TARS1: variants seen among roughly 807,000 people sequenced by gnomAD.
The protein encoded by TARS1 is threonyl-tRNA synthetase 1, also known as threonine--tRNA ligase 1, cytoplasmic.
A neutral mutation model predicts 97.7 loss-of-function variants in TARS1; 57 were observed. The ratio of observed to expected loss-of-function variants is 0.58; its 90% confidence interval spans 0.47 to 0.73. The LOEUF (loss-of-function observed/expected upper bound fraction) is 0.73. Ranked by LOEUF, TARS1 falls within the 30% of genes least tolerant of loss-of-function variation. The pLI, the probability that TARS1 is intolerant of heterozygous loss-of-function variation, is 0.00. For missense variants in TARS1, 806 were observed against 888.3 expected, an observed-to-expected ratio of 0.91 and a Z score of 1.18; for synonymous variants, 312 against 293.7, an observed-to-expected ratio of 1.06 and a Z score of -0.64.
rs756630492 is a variant in TARS1 at position 33,455,674 on chromosome 5, TAAG to T, written c.666_668del (p.Lys223del). The T allele has an allele frequency of 1.2e-6, 2 of 1,611,640 alleles. No individual in the cohort carries two copies. The highest frequency in any genetic ancestry group is 1.3e-5 in the African/African-American group (1 of 74,992). ...AACAAGCTTTTGAAAGACTGGAAGT[TAAG>T]AAAGAAACTTTACTGGCAATGTTTA... On this transcript the variant is annotated inframe_deletion, in exon 6 of 19. Transcript: ENST00000265112.
At chr5:33,462,416 C>T (rs1742339618) in intron 16 of TARS1, among the ~76,000 whole-genome samples, 1 of 152,040 alleles carries the variant, frequency 6.6e-6, no homozygotes, top group South Asian at 2.1e-4. Flanking sequence ...ACTTTAATTC[C>T]AGAACTTGAT....
At chr5:33,441,971 A>T (rs536468245) in intron 1 of TARS1, 1 of 152,364 alleles carries the variant, frequency 6.6e-6, no homozygotes, top group African/African-American at 2.4e-5. Context: ...GATCTTAGGC[A>T]ACAAGGATGT....
rs769303932 is a variant in TARS1, at chr5:33,460,924, A to C, written c.1273A>C (p.Arg425=). Residue 425 remains arginine, a synonymous_variant, in exon 12 of 19, where the codon AGG becomes CGG. Coordinates refer to ENST00000265112, the MANE Select transcript of TARS1 (RefSeq NM_152295.5). ...GHCLMFDHRP[R]SWRELPLRLA... ...CAGCCTTATGTTTGATCATCGGCCAAGGTCCTGGCGAGAACTGCCTCTGCG... is the reference window on the plus strand; with the variant it reads ...CAGCCTTATGTTTGATCATCGGCCACGGTCCTGGCGAGAACTGCCTCTGCG... 2.9e-5 allele frequency: 47 copies of C among 1,613,992 alleles called. No homozygotes were observed. The highest frequency in any genetic ancestry group is 9.9e-5 in the South Asian group (9 of 91,086).
Position 33,459,857 on chromosome 5 carries a change from C to G in TARS1, c.1246C>G (p.His416Asp), listed in dbSNP as rs1016675289. ...FALKPMNCPG[H>D]CLMFDHRPRS... ...CCTGAAACCCATGAACTGCCCAGGACACTGGTATTCGGCAGCTTTGAATTT... is the reference window on the plus strand; with the variant it reads ...CCTGAAACCCATGAACTGCCCAGGAGACTGGTATTCGGCAGCTTTGAATTT... Residue 416 changes from histidine to aspartate, a missense_variant, in exon 11 of 19, where the codon CAC (histidine) becomes GAC (aspartate). Physicochemically the swap from His to Asp is moderately conservative, Grantham distance 81. Coordinates refer to ENST00000265112, the MANE Select transcript of TARS1 (RefSeq NM_152295.5). 1.2e-6 allele frequency: 2 copies of G among 1,608,536 alleles called. No homozygotes were observed. Among genetic ancestry groups the G allele is most frequent in the African/African-American group, 2.7e-5 (2 of 74,782 alleles).
At position 33,467,721 on chromosome 5, in the gene TARS1, C is replaced by A. The variant is rs774976354; in HGVS notation, c.*13C>A. On this transcript the variant is annotated 3_prime_UTR_variant, in exon 19 of 19. Coordinates refer to ENST00000265112, the MANE Select transcript of TARS1 (RefSeq NM_152295.5). Reference sequence around the variant, plus strand: ...AGAAGAATTTTAATGAAAAAATTACCCAGATTGGCTCCATGGAAAAGGAGG... The same window carrying A: ...AGAAGAATTTTAATGAAAAAATTACACAGATTGGCTCCATGGAAAAGGAGG... 6 of 1,606,966 alleles carry A rather than the reference C, an allele frequency of 3.7e-6. No homozygotes were observed. The South Asian group carries it at 5.6e-5, about 15-fold the overall frequency.
intron 10 of TARS1, among the ~76,000 whole-genome samples, chr5:33,459,402 A>G (rs1742183540): frequency 6.6e-6 from 1 of 152,180 alleles, no homozygotes; most frequent in South Asian, 2.1e-4. Context: ...CACTTGCTAC[A>G]TATTATTTTG....
At chr5:33,453,001 C>T (rs1741821094) in intron 3 of TARS1, among the ~76,000 whole-genome samples, 1 of 151,530 alleles carries the variant, frequency 6.6e-6, no homozygotes, top group Admixed American at 6.6e-5. Flanking sequence ...TAAGATTATT[C>T]AAACCATTGG....
At chr5:33,461,565 T>C (rs1207343228) in intron 13 of TARS1, 102 bp from the exon 14 acceptor site, 1 of 1,218,024 alleles carries the variant, frequency 8.2e-7, no homozygotes, top group African/African-American at 1.5e-5. Context: ...AAGCAGAGAA[T>C]ATTGATCTAT....
chr5:33,451,735 G>A (rs1040750733), intron 3 of TARS1, among the ~76,000 whole-genome samples: 1 of 148,374 alleles, frequency 6.7e-6, no homozygotes, highest in African/African-American at 2.6e-5. Flanking sequence ...GATCCAGTAT[G>A]GCCCATGTGT....
intron 1 of TARS1, among the ~76,000 whole-genome samples, chr5:33,444,052 A>G (rs1421679320): frequency 6.6e-6 from 1 of 152,208 alleles, no homozygotes; most frequent in Non-Finnish European, 1.5e-5. Flanking sequence ...TAAGTAAGCA[A>G]TGGAATATTA....
Position 33,440,992 on chromosome 5 carries a change from C to A in TARS1, c.-95C>A. ...TTGCATCAGCTGGTCCAGCCGAGGCCAAGTCCCGGGCGCTAGCCCACCTCC... is the reference window on the plus strand; with the variant it reads ...TTGCATCAGCTGGTCCAGCCGAGGCAAAGTCCCGGGCGCTAGCCCACCTCC... On this transcript the variant is annotated 5_prime_UTR_variant, in exon 1 of 19. Coordinates refer to ENST00000265112, the MANE Select transcript of TARS1 (RefSeq NM_152295.5). The A allele has an allele frequency of 1.3e-6, 2 of 1,529,062 alleles. No homozygotes were observed. The highest frequency in any genetic ancestry group is 1.8e-6 in the Non-Finnish European group (2 of 1,111,126). 94.7% of individuals were successfully genotyped at this position (1,529,062 alleles called of 1,614,324 possible).
Position 33,455,997 on chromosome 5 carries a change from T to G in TARS1, c.694-5T>G. On this transcript the variant is annotated splice_region_variant and splice_polypyrimidine_tract_variant and intron_variant, in intron 6 of 18. Coordinates refer to ENST00000265112, the MANE Select transcript of TARS1 (RefSeq NM_152295.5). Reference sequence around the variant, plus strand: ...TTTTAAAATAATAATTTTTCCTGTTTTCAGTACAACAAGTTCAAATGCCGG... The same window carrying G: ...TTTTAAAATAATAATTTTTCCTGTTGTCAGTACAACAAGTTCAAATGCCGG... The G allele has an allele frequency of 6.2e-7, 1 of 1,613,248 alleles. No individual in the cohort carries two copies. The highest frequency in any genetic ancestry group is 8.5e-7 in the Non-Finnish European group (1 of 1,179,552).
At chr5:33,452,162 C>A (rs77756346) in intron 3 of TARS1, among the ~76,000 whole-genome samples, 2,933 of 152,270 alleles carry the variant, frequency 0.019, 98 homozygotes, top group African/African-American at 0.067. Context: ...GCCTGGCTAG[C>A]TTAAAGCCTT....
Position 33,454,947 on chromosome 5 carries a change from G to A in TARS1, c.456G>A (p.Val152=), listed in dbSNP as rs778085427. The change falls in exon 5 of 19, where the codon GTG becomes GTA. Residue 152 remains valine, a splice_region_variant and synonymous_variant. Transcript: ENST00000265112. Reference sequence around the variant, plus strand: ...GCCATTTTTCTTTAAATTTTCAGGTGTATTGGCACTCTAGTGCTCACATAA... The same window carrying A: ...GCCATTTTTCTTTAAATTTTCAGGTATATTGGCACTCTAGTGCTCACATAA... ...LKFEDEEAQA[V]YWHSSAHIMG... The A allele has an allele frequency of 2.5e-6, 4 of 1,613,198 alleles. No homozygotes were observed. Among genetic ancestry groups the A allele is most frequent in the South Asian group, 1.1e-5 (1 of 90,944 alleles).
intron 2 of TARS1, 44 bp from the exon 3 acceptor site, chr5:33,448,497 T>G: frequency 6.9e-7 from 1 of 1,445,142 alleles, no homozygotes; most frequent in Middle Eastern, 2.3e-4. Context: ...AGGAAAGCAA[T>G]ATTTACTGAT....
intron 2 of TARS1, chr5:33,446,713 T>C (rs1741437580): frequency 6.2e-6 from 8 of 1,289,402 alleles, no homozygotes; most frequent in African/African-American, 1.5e-5. Flanking sequence ...AATTGGGACA[T>C]TGCAAGTGGC....
chr5:33,460,940 T>A lies in TARS1; in HGVS notation c.1289T>A (p.Leu430Gln). Reference protein sequence around the residue: ...FDHRPRSWRELPLRLADFGVL... With the variant: ...FDHRPRSWREQPLRLADFGVL... ...CATCGGCCAAGGTCCTGGCGAGAAC[T>A]GCCTCTGCGGCTAGCTGATTTTGGG... Residue 430 changes from leucine to glutamine, a missense_variant, in exon 12 of 19, where the codon CTG (leucine) becomes CAG (glutamine). By Grantham distance (113) the Leu-to-Gln change is moderately radical. This residue lies in a region of TARS1 where 446 missense variants were observed against 511.0 expected (regional missense o/e 0.87). Coordinates refer to ENST00000265112, the MANE Select transcript of TARS1 (RefSeq NM_152295.5). The A allele has an allele frequency of 6.2e-7, 1 of 1,614,194 alleles. No individual in the cohort carries two copies. Among genetic ancestry groups the A allele is most frequent in the Non-Finnish European group, 8.5e-7 (1 of 1,180,046 alleles).
intron 8 of TARS1, among the ~76,000 whole-genome samples, chr5:33,456,515 G>A (rs1029024606): frequency 2.0e-5 from 3 of 152,210 alleles, no homozygotes; most frequent in Non-Finnish European, 4.4e-5. Flanking sequence ...CTCACTGGGA[G>A]TATGTGCTTT....
upstream of TARS1, chr5:33,440,742 T>C (rs765778362): frequency 6.0e-5 from 27 of 448,652 alleles, no homozygotes; most frequent in Middle Eastern, 5.7e-4. Context: ...CGCACGCGCA[T>C]TGGGGACTTG....
Sources: allele counts gnomAD v4.1 joint callset (sites outside exome capture counted in the v4.1 genomes callset), GRCh38; gene constraint gnomAD v4.1.1; regional missense constraint gnomAD v4.1.1; transcripts MANE v1.5; gene names NCBI Gene and HGNC (gene_info 2026-07-23, HGNC 2026-07-21).